UFD1: variants seen among roughly 807,000 people sequenced by gnomAD.
UFD1 encodes the protein ubiquitin recognition factor in ER associated degradation 1.
In UFD1, 13 loss-of-function variants were observed where a neutral mutation model predicts 45.9. The ratio of observed to expected loss-of-function variants is 0.28; its 90% CI spans 0.18 to 0.45. The LOEUF (loss-of-function observed/expected upper bound fraction) is 0.45, where lower values mean the gene tolerates loss of function less well. Ranked by LOEUF, UFD1 falls within the 20% of genes least tolerant of loss-of-function variation. UFD1 has a pLI of 1.00. For missense variants in UFD1, 218 were observed against 389.2 expected (o/e 0.56, Z 3.70); for synonymous variants, 128 against 139.2 (o/e 0.92, Z 0.56).
intron 5 of UFD1, chr22:19,467,229 T>G (rs1320379127): frequency 6.6e-6 from 1 of 151,460 alleles, no homozygotes; most frequent in Non-Finnish European, 1.5e-5. Flanking sequence ...GTGGCCACTC[T>G]TATGCCATGA....
chr22:19,457,941 G>A lies in UFD1; in HGVS notation c.564+130C>T, dbSNP rs531497340. On this transcript the variant is annotated intron_variant, in intron 7 of 11. Transcript: ENST00000263202. ...ACAGTCTCCTCATGATGTTCTGACA[G>A]CATCTTCCTCCTCTTTACCCAGAGT... 51 of 883,596 alleles carry A rather than the reference G, an allele frequency of 5.8e-5. 1 individual carries two copies. In the African/African-American group the frequency reaches 7.7e-4, roughly 13 times the overall value. The allele number at this position is 883,596 out of a possible 1,614,324, so 54.7% of individuals were successfully genotyped here. A position where few individuals can be genotyped will look rare whatever the true frequency, so the allele number is the denominator to read the frequency against.
Position 19,475,569 on chromosome 22 carries a change from T to C in UFD1, c.37A>G (p.Arg13Gly). 1 of 1,614,106 alleles carries C rather than the reference T, an allele frequency of 6.2e-7. No individual in the cohort carries two copies. Among genetic ancestry groups the C allele is most frequent in the East Asian group, 2.2e-5 (1 of 44,872 alleles). ...GTGGAGAAGCGGTTTTGGAAGACCC[T>C]GGGAATAGGGTGGTCGAACATGTTG... ...SFNMFDHPIP[R>G]VFQNRFSTQY... Residue 13 changes from arginine (R) to glycine (G), a missense_variant, in exon 2 of 12, where the codon AGG (arginine) becomes GGG (glycine). Coordinates refer to ENST00000263202, the MANE Select transcript of UFD1 (RefSeq NM_005659.7).
chr22:19,474,755 A>G (rs2089869543), intron 3 of UFD1, among the ~76,000 whole-genome samples: 1 of 152,102 alleles, frequency 6.6e-6, no homozygotes, highest in Non-Finnish European at 1.5e-5. Context: ...CCTTCACTTA[A>G]TCCTGACAGA....
At chr22:19,466,862 A>G (rs1309929328) in intron 5 of UFD1, 1 of 152,148 alleles carries the variant, frequency 6.6e-6, no homozygotes, top group East Asian at 1.9e-4. Flanking sequence ...ACATGTAAAA[A>G]CCCTGAGAAA....
In UFD1 at chr22:19,454,757, C is replaced by G; in HGVS notation, c.841G>C (p.Val281Leu). The G allele has an allele frequency of 6.2e-7, 1 of 1,614,132 alleles. No homozygotes were observed. The highest frequency in any genetic ancestry group is 8.5e-7 in the Non-Finnish European group (1 of 1,180,020). ...IRNSRPLVKK[V>L]EEDEAGGRFV... ...CAAGGAAATACACTCACCTCTTCAA[C>G]CTTTTTGACAAGGGGACGTGAATTT... The change falls in exon 11 of 12, where the codon GTT (valine) becomes CTT (leucine). Residue 281 changes from valine (V) to leucine (L), a missense_variant. By Grantham distance (32) the Val-to-Leu change is conservative (BLOSUM62 1). Around this residue, in one of 2 missense-constraint regions of UFD1, gnomAD observed 69 missense variants for 81.7 expected, o/e 0.84. Transcript: ENST00000263202.
At chr22:19,459,626 A>C (rs1172338639) in intron 6 of UFD1, among the ~76,000 whole-genome samples, 2 of 152,122 alleles carry the variant, frequency 1.3e-5, no homozygotes, top group African/African-American at 4.8e-5. Context: ...AAAACAAACA[A>C]ACAAACAAGC....
In UFD1 at chr22:19,471,773, G is replaced by C. The variant is rs764639341; in HGVS notation, c.205C>G (p.Leu69Val). 6.2e-7 allele frequency: 1 copy of C among 1,614,198 alleles called. No homozygotes were observed. The highest frequency in any genetic ancestry group is 8.5e-7 in the Non-Finnish European group (1 of 1,180,042). ...LNITYPMLFK[L>V]TNKNSDRMTH... ...ATGCGGTCCGAATTCTTATTGGTCA[G>C]TTTGAACAGCATGGGATAGGTAATG... is the stretch of plus-strand genomic sequence containing the variant. Residue 69 changes from leucine (L) to valine (V), a missense_variant, in exon 4 of 12, where the codon CTG becomes GTG. Leu to Val is a conservative substitution (Grantham distance 32). Around this residue, in one of 2 missense-constraint regions of UFD1, gnomAD observed 149 missense variants for 307.5 expected, o/e 0.48. Coordinates refer to ENST00000263202, the MANE Select transcript of UFD1 (RefSeq NM_005659.7).
At chr22:19,472,871 C>T (rs1467267572) in intron 3 of UFD1, among the ~76,000 whole-genome samples, 1 of 152,240 alleles carries the variant, frequency 6.6e-6, no homozygotes, top group Non-Finnish European at 1.5e-5. Flanking sequence ...GGGATTCAAC[C>T]ATCAAAGCAG....
At chr22:19,459,735 CTTTT>C (rs35629488) in intron 6 of UFD1, among the ~76,000 whole-genome samples, 2 of 88,988 alleles carry the variant, frequency 2.2e-5, no homozygotes, top group African/African-American at 3.5e-5. Context: ...GTCTGTCTTG[CTTTT>C]TTTTTTTTTT....
intron 3 of UFD1, among the ~76,000 whole-genome samples, chr22:19,474,021 G>A (rs543141943): frequency 6.6e-5 from 10 of 152,280 alleles, no homozygotes; most frequent in African/African-American, 2.4e-4. Context: ...CCATGATAGG[G>A]ATTTTCTGTG....
At chr22:19,464,961 A>C (rs1349473922) in intron 6 of UFD1, among the ~76,000 whole-genome samples, 2 of 152,264 alleles carry the variant, frequency 1.3e-5, no homozygotes, top group East Asian at 3.8e-4. Context: ...CAAGGTACAC[A>C]GAGGTATGAC....
chr22:19,454,978 G>T, intron 10 of UFD1, 148 bp from the exon 11 acceptor site: 1 of 908,420 alleles, frequency 1.1e-6, no homozygotes, highest in South Asian at 1.8e-5. Flanking sequence ...CAGGAGGGAA[G>T]CAGAAAGTAA....
At chr22:19,472,422 T>C (rs2089853311) in intron 3 of UFD1, among the ~76,000 whole-genome samples, 1 of 152,214 alleles carries the variant, frequency 6.6e-6, no homozygotes, top group Admixed American at 6.5e-5. Flanking sequence ...GGGTAGAACC[T>C]AGGGCCTGGG....
At chr22:19,462,987 T>C (rs1269358047) in intron 6 of UFD1, among the ~76,000 whole-genome samples, 2 of 152,258 alleles carry the variant, frequency 1.3e-5, no homozygotes, top group Non-Finnish European at 2.9e-5. Context: ...TAACTGTTGC[T>C]ATTCAAAGAC....
At chr22:19,472,325 C>G (rs1209230154) in intron 3 of UFD1, among the ~76,000 whole-genome samples, 1 of 152,102 alleles carries the variant, frequency 6.6e-6, no homozygotes, top group East Asian at 1.9e-4. Flanking sequence ...GAAGAGGAGC[C>G]CAGGCAGTTC....
At chr22:19,464,992 C>G (rs1011956646) in intron 6 of UFD1, among the ~76,000 whole-genome samples, 2 of 152,154 alleles carry the variant, frequency 1.3e-5, no homozygotes, top group African/African-American at 4.8e-5. Context: ...ATCAATGTTC[C>G]CCTGTAAATG....
intron 9 of UFD1, 62 bp downstream of exon 9, chr22:19,456,525 G>A: frequency 1.2e-6 from 2 of 1,600,120 alleles, no homozygotes; most frequent in Non-Finnish European, 1.7e-6. Flanking sequence ...CACCTTGAGT[G>A]AGTGCTCTAA....
chr22:19,453,659 A>C (rs1192300383), intron 11 of UFD1: 1 of 985,440 alleles, frequency 1.0e-6, no homozygotes, highest in East Asian at 1.1e-4. Flanking sequence ...CTGAGCCTGA[A>C]AGGTCCCAAT....
chr22:19,467,643 G>C, intron 5 of UFD1: 1 of 547,462 alleles, frequency 1.8e-6, no homozygotes, highest in Non-Finnish European at 3.0e-6. Flanking sequence ...CTTCATTGTG[G>C]TCTCCATGAA....
Sources: gnomAD v4.1 joint callset for allele counts (sites outside exome capture counted in the v4.1 genomes callset) on GRCh38, gnomAD v4.1.1 for gene constraint, gnomAD v4.1.1 regional missense constraint, MANE v1.5 for transcripts, NCBI Gene and HGNC (gene_info 2026-07-23, HGNC 2026-07-21) for gene names.